The following ZNF70 variants were observed in gnomAD, a reference collection of about 807,000 sequenced individuals.
The protein encoded by ZNF70 is zinc finger protein 70.
Under a neutral mutation model 37.7 loss-of-function variants are expected in ZNF70, and 18 were observed. The ratio of observed to expected loss-of-function variants is 0.48; its 90% CI spans 0.33 to 0.71. ZNF70 has a LOEUF of 0.71. ZNF70 is among the 30% of genes least tolerant of loss of function. The pLI, the probability that ZNF70 is intolerant of heterozygous loss-of-function variation, is 0.02. For missense variants in ZNF70, 506 were observed against 568.6 expected (o/e 0.89, Z 1.12); for synonymous variants, 219 against 220.1 (o/e 0.99, Z 0.05).
rs936504211 is a variant in ZNF70 at position 23,741,470 on chromosome 22, G to A, written c.*2330C>T. 1 of 152,200 alleles carries A rather than the reference G, an allele frequency of 6.6e-6. No homozygotes were observed. Among genetic ancestry groups the A allele is most frequent in the African/African-American group, 2.4e-5 (1 of 41,456 alleles). The allele number at this position is 152,200 out of a possible 1,614,324, so 9.4% of individuals were successfully genotyped here. A position where few individuals can be genotyped will look rare whatever the true frequency, so the allele number is the denominator to read the frequency against. ...AAATGTTAAATGTTTCACATACGTA[G>A]CAAAGACAGGGGCTGGACAGAGGCA... On this transcript the variant is annotated 3_prime_UTR_variant, in exon 2 of 2. Transcript: ENST00000341976.
chr22:23,746,984 T>A (rs966188891), intron 1 of ZNF70, among the ~76,000 whole-genome samples: 2 of 152,164 alleles, frequency 1.3e-5, no homozygotes, highest in African/African-American at 4.8e-5. Flanking sequence ...CATCGTTAGC[T>A]TGAAAATTCC....
chr22:23,744,892 G>C lies in ZNF70; in HGVS notation c.249C>G (p.Thr83=). 1 of 1,614,206 alleles carries C rather than the reference G, an allele frequency of 6.2e-7. No individual in the cohort carries two copies. The highest frequency in any genetic ancestry group is 8.5e-7 in the Non-Finnish European group (1 of 1,180,048). ...CGAAGAGCTCATCATCCTGGGGTCT[G>C]GTTCCTGGGGGGATACTTTGATGCT... The part of the protein sequence containing the change: ...PVQHQSIPPG[T]RPQDDELFGQ... Residue 83 remains threonine, a synonymous_variant, in exon 2 of 2, where the codon ACC becomes ACG. Transcript: ENST00000341976.
chr22:23,744,059 T>C lies in ZNF70; in HGVS notation c.1082A>G (p.Glu361Gly). Residue 361 changes from glutamate (E) to glycine (G), a missense_variant, in exon 2 of 2, where the codon GAG (glutamate) becomes GGG (glycine). Physicochemically the swap from Glu to Gly is moderately conservative, Grantham distance 98. Coordinates refer to ENST00000341976, the MANE Select transcript of ZNF70 (RefSeq NM_021916.4). ...ACACTGACAGCACTCGTAGGGCTTC[T>C]CACCGGTGTGGATGCGCTGGTGCTC... is the stretch of plus-strand genomic sequence containing the variant. ...LIEHQRIHTG[E>G]KPYECCQCGK... is the part of the protein sequence containing the mutation. 6.2e-7 allele frequency: 1 copy of C among 1,614,228 alleles called. No homozygotes were observed. Among genetic ancestry groups the C allele is most frequent in the Non-Finnish European group, 8.5e-7 (1 of 1,180,038 alleles).
intron 1 of ZNF70, among the ~76,000 whole-genome samples, chr22:23,748,894 TA>T (rs113341333): frequency 0.11 from 15,780 of 147,496 alleles, 1,051 homozygotes; most frequent in East Asian, 0.3. Context: ...CGACTGGATA[TA>T]AAAAAAAAAG....
Position 23,739,568 on chromosome 22 carries a change from G to A in ZNF70, c.*4232C>T, listed in dbSNP as rs1601314457. 6.6e-6 allele frequency: 1 copy of A among 152,172 alleles called. No individual in the cohort carries two copies. The highest frequency in any genetic ancestry group is 6.6e-5 in the Admixed American group (1 of 15,236). 9.4% of individuals were successfully genotyped at this position (152,172 alleles called of 1,614,324 possible). The stretch of plus-strand genomic sequence containing the variant: ...CCCAAAGTGCTGGGATTACAGGCTT[G>A]AGCCACCGCTCCCGGCTATTTTTTG... On this transcript the variant is annotated 3_prime_UTR_variant, in exon 2 of 2. Coordinates refer to ENST00000341976, the MANE Select transcript of ZNF70 (RefSeq NM_021916.4).
intron 1 of ZNF70, among the ~76,000 whole-genome samples, chr22:23,747,212 A>T (rs542093434): frequency 4.6e-5 from 7 of 152,354 alleles, no homozygotes; most frequent in Admixed American, 2.6e-4. Flanking sequence ...GACAGGCACC[A>T]GTCTGTGGCC....
rs753917768 is a variant in ZNF70, at chr22:23,743,899, G to A, written c.1242C>T (p.Thr414=). The change falls in exon 2 of 2, where the codon ACC becomes ACT. Residue 414 remains threonine, a synonymous_variant. Coordinates refer to ENST00000341976, the MANE Select transcript of ZNF70 (RefSeq NM_021916.4). ...SALIEHYKTH[T]REKPYVCNLC... ...GATTGCACACGTAGGGCTTCTCTCT[G>A]GTGTGGGTTTTATAGTGCTCAATGA... 3 of 1,612,970 alleles carry A rather than the reference G, an allele frequency of 1.9e-6. No homozygotes were observed. The highest frequency in any genetic ancestry group is 3.3e-5 in the Admixed American group (2 of 59,988).
At chr22:23,748,912 G>C (rs1925224535) in intron 1 of ZNF70, among the ~76,000 whole-genome samples, 1 of 151,728 alleles carries the variant, frequency 6.6e-6, no homozygotes, top group Non-Finnish European at 1.5e-5. Flanking sequence ...AAAGAGCACT[G>C]AACTAAAGTA....
rs917254643 is a variant in ZNF70, at chr22:23,750,771, T to C, written c.-140A>G. On this transcript the variant is annotated 5_prime_UTR_variant, in exon 1 of 2. Coordinates refer to ENST00000341976, the MANE Select transcript of ZNF70 (RefSeq NM_021916.4). ...GTCATCCCATCCTCCAGAGAGTCCC[T>C]AGGGCCTGGGCACCCTGCAAACTCT... is the stretch of plus-strand genomic sequence containing the variant. The C allele has an allele frequency of 6.6e-6, 1 of 152,400 alleles. No individual in the cohort carries two copies. The highest frequency in any genetic ancestry group is 6.5e-5 in the Admixed American group (1 of 15,286). 9.4% of individuals were successfully genotyped at this position (152,400 alleles called of 1,614,324 possible). A position where few individuals can be genotyped will look rare whatever the true frequency, so the allele number is the denominator to read the frequency against.
Position 23,743,650 on chromosome 22 carries a change from G to T in ZNF70, c.*150C>A. ...GCGTGCTTGGCCCAGGGCCACACAG[G>T]GCCTTCCTGCTAGTGGGATGTTCAA... On this transcript the variant is annotated 3_prime_UTR_variant, in exon 2 of 2. Transcript: ENST00000341976. 1 of 1,163,220 alleles carries T rather than the reference G, an allele frequency of 8.6e-7. No homozygotes were observed. The highest frequency in any genetic ancestry group is 1.2e-6 in the Non-Finnish European group (1 of 826,206). The allele number at this position is 1,163,220 out of a possible 1,614,324, so 72.1% of individuals were successfully genotyped here. A position where few individuals can be genotyped will look rare whatever the true frequency, so the allele number is the denominator to read the frequency against.
chr22:23,746,636 A>G (rs562563332), intron 1 of ZNF70, among the ~76,000 whole-genome samples: 1 of 152,082 alleles, frequency 6.6e-6, no homozygotes, highest in South Asian at 2.1e-4. Context: ...CCCGTTGCCC[A>G]GGCTGGAGTA....
rs1375197570 is a variant in ZNF70, at chr22:23,742,493, G to A, written c.*1307C>T. The A allele has an allele frequency of 6.6e-6, 1 of 152,268 alleles. No homozygotes were observed. Among genetic ancestry groups the A allele is most frequent in the Non-Finnish European group, 1.5e-5 (1 of 68,072 alleles). 9.4% of individuals were successfully genotyped at this position (152,268 alleles called of 1,614,324 possible). ...GGCTCAGGATGGCATCCTAGAGGAA[G>A]TGTCCTTGTGTGGGACACTGCATCC... On this transcript the variant is annotated 3_prime_UTR_variant, in exon 2 of 2. Coordinates refer to ENST00000341976, the MANE Select transcript of ZNF70 (RefSeq NM_021916.4).
At position 23,744,036 on chromosome 22, in the gene ZNF70, A is replaced by G; in HGVS notation, c.1105T>C (p.Cys369Arg). 6.2e-7 allele frequency: 1 copy of G among 1,614,222 alleles called. No individual in the cohort carries two copies. ...TGEKPYECCQ[C>R]GKAFCHSSAL... ...GAGCTGTGGCAAAAGGCCTTGCCAC[A>G]CTGACAGCACTCGTAGGGCTTCTCA... Residue 369 changes from cysteine to arginine, a missense_variant, in exon 2 of 2, where the codon TGT (cysteine) becomes CGT (arginine). Cys to Arg is a radical substitution (Grantham distance 180). Transcript: ENST00000341976.
In ZNF70 at chr22:23,741,117, A is replaced by G. The variant is rs1258454468; in HGVS notation, c.*2683T>C. 6.6e-6 allele frequency: 1 copy of G among 152,302 alleles called. No homozygotes were observed. The highest frequency in any genetic ancestry group is 1.9e-4 in the East Asian group (1 of 5,196). 9.4% of individuals were successfully genotyped at this position (152,302 alleles called of 1,614,324 possible). The stretch of plus-strand genomic sequence containing the variant: ...AAGCTCCTGAAAGTTGGTTTTAAGG[A>G]GAGTGGTGACTTGTGCAAAATGATG... On this transcript the variant is annotated 3_prime_UTR_variant, in exon 2 of 2. Coordinates refer to ENST00000341976, the MANE Select transcript of ZNF70 (RefSeq NM_021916.4).
intron 1 of ZNF70, among the ~76,000 whole-genome samples, chr22:23,748,461 G>C (rs758577506): frequency 1.3e-5 from 2 of 151,974 alleles, no homozygotes; most frequent in Non-Finnish European, 2.9e-5. Context: ...GGCTGGTCTT[G>C]AACTCCTGGG....
rs773302327 is a variant in ZNF70 at position 23,744,529 on chromosome 22, G to A, written c.612C>T (p.Ala204=). ...KPYECRECGK[A]FRQSSALTQH... is the part of the protein sequence containing the mutation. ...GCGTGAGGGCTGAGCTCTGGCGGAA[G>A]GCCTTCCCACACTCCCGGCACTCGT... Residue 204 remains alanine, a synonymous_variant, in exon 2 of 2, where the codon GCC becomes GCT. Transcript: ENST00000341976. The A allele has an allele frequency of 1.9e-6, 3 of 1,613,820 alleles. No homozygotes were observed. The highest frequency in any genetic ancestry group is 2.2e-5 in the South Asian group (2 of 91,064).
intron 1 of ZNF70, among the ~76,000 whole-genome samples, chr22:23,749,777 A>C (rs1601323504): frequency 6.7e-6 from 1 of 149,776 alleles, no homozygotes; most frequent in East Asian, 2.0e-4. Context: ...AACTCCTCTC[A>C]CCCTCCCCCT....
In ZNF70 at chr22:23,745,197, G is replaced by T; in HGVS notation, c.-57C>A. Reference sequence around the variant, plus strand: ...TTTCTTTAAAAATGTTCTTCTTTGGGCCACACTTACTGTTCTCACAATCTG... The same window carrying T: ...TTTCTTTAAAAATGTTCTTCTTTGGTCCACACTTACTGTTCTCACAATCTG... On this transcript the variant is annotated 5_prime_UTR_variant, in exon 2 of 2. Coordinates refer to ENST00000341976, the MANE Select transcript of ZNF70 (RefSeq NM_021916.4). The T allele has an allele frequency of 6.5e-7, 1 of 1,548,430 alleles. No individual in the cohort carries two copies. Among genetic ancestry groups the T allele is most frequent in the Non-Finnish European group, 8.7e-7 (1 of 1,143,290 alleles).
intron 1 of ZNF70, among the ~76,000 whole-genome samples, chr22:23,749,241 C>T (rs1173993837): frequency 6.7e-6 from 1 of 148,940 alleles, no homozygotes; most frequent in South Asian, 2.2e-4. Flanking sequence ...CCAGCTACTC[C>T]GGGAGGCTGA....
Sources: allele counts gnomAD v4.1 joint callset (sites outside exome capture counted in the v4.1 genomes callset), GRCh38; gene constraint gnomAD v4.1.1; transcripts MANE v1.5; gene names NCBI Gene and HGNC (gene_info 2026-07-23, HGNC 2026-07-21).